The following CHD1L variants were observed in gnomAD, a reference collection of about 807,000 sequenced individuals.
CHD1L encodes ATP-dependent chromatin remodeler CHD1L.
CHD1L carries 118 observed loss-of-function variants against 115.9 expected under a neutral mutation model. The ratio of observed to expected loss-of-function variants is 1.02; its 90% confidence interval spans 0.88 to 1.19. CHD1L has a LOEUF of 1.19. Ranked by LOEUF, CHD1L falls within the 50% of genes most tolerant of loss-of-function variation. The pLI, the probability that CHD1L is intolerant of heterozygous loss-of-function variation, is 0.00. For synonymous variants in CHD1L, 411 were observed against 387.1 expected (o/e 1.06, Z -0.72); for missense variants, 1,179 against 1,065.3 (o/e 1.11, Z -1.49).
chr1:147,215,113 T>G, the CHD1L span: 1 of 152,138 alleles, frequency 6.6e-6, no homozygotes, highest in Non-Finnish European at 1.5e-5. Context: ...CTAGAATACT[T>G]TAGAGCAGGA....
the CHD1L span, chr1:147,178,044 C>A: frequency 1.8e-3 from 1,352 of 761,718 alleles, 6 homozygotes; most frequent in Admixed American, 2.7e-3. Flanking sequence ...AATAGGTGGT[C>A]GCGCGCCCGA....
chr1:147,213,757 C>G, the CHD1L span, among the ~76,000 whole-genome samples: 9 of 152,134 alleles, frequency 5.9e-5, no homozygotes, highest in Admixed American at 5.9e-4. Context: ...CACTGTAACA[C>G]CTGAGTAAAG....
chr1:147,275,564 G>A (rs908147640), intron 13 of CHD1L, 96 bp downstream of exon 13: 4 of 933,282 alleles, frequency 4.3e-6, no homozygotes. Flanking sequence ...TCCCACACTG[G>A]GAGCTGAGAG....
At chr1:147,179,477 C>G in the CHD1L span, 2 of 1,574,928 alleles carry the variant, frequency 1.3e-6, no homozygotes, top group East Asian at 4.5e-5. Context: ...CCATATACTT[C>G]TCTCCAGCCA....
In CHD1L at chr1:147,286,587, G is replaced by A. The variant is rs1468959385; in HGVS notation, c.2221+87G>A. ...GAGGATGGGGCACTGGGACTGGGGT[G>A]GTGGTCCCAGTGTAGTATTGTACAG... On this transcript the variant is annotated intron_variant, in intron 18 of 22. Coordinates refer to ENST00000369258, the MANE Select transcript of CHD1L (RefSeq NM_004284.6). 4 of 1,180,768 alleles carry A rather than the reference G, an allele frequency of 3.4e-6. No individual in the cohort carries two copies. The African/African-American group carries it at 6.0e-5, about 18-fold the overall frequency. 73.1% of individuals were successfully genotyped at this position (1,180,768 alleles called of 1,614,324 possible). A position where few individuals can be genotyped will look rare whatever the true frequency, so the allele number is the denominator to read the frequency against.
At chr1:147,228,557 T>C in the CHD1L span, among the ~76,000 whole-genome samples, 1 of 152,224 alleles carries the variant, frequency 6.6e-6, no homozygotes, top group African/African-American at 2.4e-5. Flanking sequence ...ATGGTATTTC[T>C]AGTTCTAGAT....
chr1:147,199,160 C>A, the CHD1L span, among the ~76,000 whole-genome samples: 1 of 151,758 alleles, frequency 6.6e-6, no homozygotes, highest in Non-Finnish European at 1.5e-5. Context: ...TTCCAGAGAA[C>A]AGAAGAAGAA....
chr1:147,282,849 C>T lies in CHD1L; in HGVS notation c.1706-1502C>T, dbSNP rs760311877. Among the ~76,000 whole-genome samples, 165 of 152,296 alleles carry T rather than the reference C, an allele frequency of 1.1e-3. 1 individual carries two copies. The highest frequency in any genetic ancestry group is 1.3e-3 in the Non-Finnish European group (88 of 68,014). On this transcript the variant is annotated intron_variant, in intron 15 of 22. Coordinates refer to ENST00000369258, the MANE Select transcript of CHD1L (RefSeq NM_004284.6). The stretch of plus-strand genomic sequence containing the variant: ...ATTTTACTTTATTTAGACAGTCCAA[C>T]TGCCAGAAAAAATCCCCAGTTGTAT...
At chr1:147,254,508 T>C (rs1221392286) in intron 2 of CHD1L, among the ~76,000 whole-genome samples, 7 of 152,238 alleles carry the variant, frequency 4.6e-5, no homozygotes, top group Admixed American at 4.6e-4. Flanking sequence ...ATCTTGGCAC[T>C]TCTTGCTTAA....
chr1:147,187,020 GC>G, the CHD1L span: 163 of 1,614,050 alleles, frequency 1.0e-4, no homozygotes, highest in Non-Finnish European at 1.3e-4. Context: ...GCTTCCTGAT[GC>G]GATCATCTGT....
intron 6 of CHD1L, chr1:147,260,159 C>A (rs41295829): frequency 5.6e-6 from 2 of 355,620 alleles, no homozygotes; most frequent in African/African-American, 2.1e-5. Flanking sequence ...ATTGATACAT[C>A]GCTATCACTC....
At chr1:147,204,799 G>A in the CHD1L span, 14 of 1,598,324 alleles carry the variant, frequency 8.8e-6, no homozygotes, top group Non-Finnish European at 1.2e-5. Context: ...TCCATATGCT[G>A]TACGAGTGGT....
intron 14 of CHD1L, 114 bp from the exon 15 acceptor site, chr1:147,279,912 T>TG: frequency 3.8e-6 from 4 of 1,042,100 alleles, no homozygotes; most frequent in Non-Finnish European, 5.7e-6. Context: ...AAAGGCTGCC[T>TG]GTTCATTAGA....
chr1:147,252,213 G>T (rs587642993), intron 1 of CHD1L, among the ~76,000 whole-genome samples: 7 of 152,236 alleles, frequency 4.6e-5, no homozygotes, highest in African/African-American at 1.7e-4. Context: ...AGCATTGATG[G>T]CATATTTAAA....
rs1665082125 is a variant in CHD1L at position 147,242,714 on chromosome 1, C to T, written c.11C>T (p.Ala4Val). MER[A>V]GATSRGGQAP... ...GCCTCTACCGGCCCGATGGAGCGCG[C>T]GGGCGCTACTAGCCGCGGGGGCCAA... Residue 4 changes from alanine to valine, a missense_variant, in exon 1 of 23, where the codon GCG becomes GTG. Transcript: ENST00000369258. 1.6e-6 allele frequency: 2 copies of T among 1,258,152 alleles called. No individual in the cohort carries two copies. Among genetic ancestry groups the T allele is most frequent in the South Asian group, 3.9e-5 (1 of 25,844 alleles). The allele number at this position is 1,258,152 out of a possible 1,614,324, so 77.9% of individuals were successfully genotyped here. A position where few individuals can be genotyped will look rare whatever the true frequency, so the allele number is the denominator to read the frequency against.
intron 19 of CHD1L, 111 bp from the exon 20 acceptor site, chr1:147,291,371 G>T: frequency 2.4e-6 from 2 of 847,740 alleles, no homozygotes; most frequent in Non-Finnish European, 4.0e-6. Flanking sequence ...GGGCTGTGTA[G>T]GAAGGTGGGT....
At chr1:147,289,026 C>G (rs1306622061) in intron 19 of CHD1L, among the ~76,000 whole-genome samples, 2 of 152,102 alleles carry the variant, frequency 1.3e-5, no homozygotes, top group Non-Finnish European at 2.9e-5. Flanking sequence ...CTAATTCTGC[C>G]CAGTTCTCTA....
the CHD1L span, chr1:147,179,448 T>C: frequency 1.9e-6 from 3 of 1,591,864 alleles, no homozygotes; most frequent in Non-Finnish European, 2.6e-6. Context: ...CTTCTCCATA[T>C]GAAGTCAGAG....
intron 14 of CHD1L, among the ~76,000 whole-genome samples, chr1:147,279,234 G>T (rs939198549): frequency 6.6e-6 from 1 of 152,098 alleles, no homozygotes; most frequent in African/African-American, 2.4e-5. Context: ...AGTCTAAAAG[G>T]GCAAGATGAG....
Sources: allele counts gnomAD v4.1 joint callset (sites outside exome capture counted in the v4.1 genomes callset), GRCh38; gene constraint gnomAD v4.1.1; transcripts MANE v1.5; gene names NCBI Gene and HGNC (gene_info 2026-07-23, HGNC 2026-07-21).